The following PPP1R9A variants were observed in gnomAD, a reference collection of about 807,000 sequenced individuals.
The protein encoded by PPP1R9A is protein phosphatase 1 regulatory subunit 9A, also known as neurabin-1.
In PPP1R9A, 59 loss-of-function variants were observed where a neutral mutation model predicts 141.9. That is an observed-to-expected ratio of 0.42 (90% CI 0.34 to 0.52). The LOEUF (loss-of-function observed/expected upper bound fraction) is 0.52. Among genes scored for constraint, PPP1R9A ranks in the 20% least tolerant of loss-of-function variants. The probability of loss-of-function intolerance (pLI) is 0.10; values close to 1 mark genes in which losing one functional copy is unlikely to be tolerated. For missense variants in PPP1R9A, 1,444 were observed against 1,611.9 expected, an observed-to-expected ratio of 0.90 and a Z score of 1.78; for synonymous variants, 500 against 569.7, an observed-to-expected ratio of 0.88 and a Z score of 1.74.
chr7:95,184,114 G>T (rs1277582167), intron 5 of PPP1R9A, among the ~76,000 whole-genome samples: 1 of 152,108 alleles, frequency 6.6e-6, no homozygotes, highest in South Asian at 2.1e-4. Flanking sequence ...ACTACTGTCA[G>T]CAAACTAGTG....
intron 5 of PPP1R9A, among the ~76,000 whole-genome samples, chr7:95,164,029 C>T (rs183698039): frequency 9.9e-5 from 15 of 152,270 alleles, no homozygotes; most frequent in Middle Eastern, 3.4e-3. Context: ...TGAGCCACTG[C>T]GCCTGGCCCC....
At chr7:95,231,362 A>G (rs1486481442) in intron 8 of PPP1R9A, among the ~76,000 whole-genome samples, 1 of 152,174 alleles carries the variant, frequency 6.6e-6, no homozygotes, top group East Asian at 1.9e-4. Context: ...GTCAACAAAG[A>G]AACAATAGGC....
At chr7:95,240,563 T>G (rs1290900541) in intron 8 of PPP1R9A, among the ~76,000 whole-genome samples, 1 of 152,074 alleles carries the variant, frequency 6.6e-6, no homozygotes, top group African/African-American at 2.4e-5. Context: ...TGCTTTTTGT[T>G]AATTTTTTAT....
intron 2 of PPP1R9A, among the ~76,000 whole-genome samples, chr7:95,057,392 TA>T (rs758811449): frequency 3.3e-5 from 5 of 152,156 alleles, no homozygotes; most frequent in African/African-American, 7.2e-5. Context: ...TGCTATATTT[TA>T]GTAGTAACTA....
intron 7 of PPP1R9A, among the ~76,000 whole-genome samples, chr7:95,207,438 A>G (rs1791065438): frequency 6.6e-6 from 1 of 152,186 alleles, no homozygotes. Flanking sequence ...CCAAAAGCTA[A>G]CAATGATGAG....
chr7:95,074,478 T>G (rs1044568976), intron 2 of PPP1R9A, among the ~76,000 whole-genome samples: 1,703 of 61,916 alleles, frequency 0.028, 37 homozygotes, highest in African/African-American at 0.082. Flanking sequence ...TTTTTTTTTT[T>G]TGTTGTTTTT....
intron 17 of PPP1R9A, among the ~76,000 whole-genome samples, chr7:95,285,038 A>G (rs1179910765): frequency 6.6e-6 from 1 of 152,200 alleles, no homozygotes. Flanking sequence ...CCAAATGGTA[A>G]TGTTCATGTT....
intron 4 of PPP1R9A, among the ~76,000 whole-genome samples, chr7:95,146,576 C>T (rs1428075500): frequency 6.6e-6 from 1 of 152,104 alleles, no homozygotes; most frequent in Non-Finnish European, 1.5e-5. Flanking sequence ...TTGCTCATGC[C>T]TATGTCCTGA....
At chr7:95,207,151 A>C (rs908289573) in intron 7 of PPP1R9A, among the ~76,000 whole-genome samples, 2 of 152,144 alleles carry the variant, frequency 1.3e-5, no homozygotes, top group African/African-American at 2.4e-5. Context: ...GACGGTTTCA[A>C]GGTACAAAGT....
At position 95,268,607 on chromosome 7, in the gene PPP1R9A, G is replaced by T; in HGVS notation, c.2723G>T (p.Arg908Leu). ...ERLDSKALKT[R>L]AQLSVKNRRQ... The stretch of plus-strand genomic sequence containing the variant: ...CTGGATTCAAAAGCACTGAAAACTC[G>T]AGCCCAGCTCTCTGTGAAGAACAGA... Residue 908 changes from arginine (R) to leucine (L), a missense_variant, in exon 13 of 20, where the codon CGA becomes CTA. Arg to Leu is a moderately radical substitution (Grantham distance 102, BLOSUM62 -2). Coordinates refer to ENST00000433360, the MANE Select transcript of PPP1R9A (RefSeq NM_001166160.2). 1 of 1,613,402 alleles carries T rather than the reference G, an allele frequency of 6.2e-7. No individual in the cohort carries two copies. The highest frequency in any genetic ancestry group is 8.5e-7 in the Non-Finnish European group (1 of 1,179,566).
intron 7 of PPP1R9A, among the ~76,000 whole-genome samples, chr7:95,214,892 A>T (rs2152924453): frequency 6.6e-6 from 1 of 152,306 alleles, no homozygotes; most frequent in African/African-American, 2.4e-5. Context: ...CCATATGAGT[A>T]ATCTAGAGAA....
Position 95,055,368 on chromosome 7 carries a change from C to T in PPP1R9A, c.1396-55891C>T, listed in dbSNP as rs1811372629. ...GTTGAAAACTTCAAAATTCTTAACC[C>T]TACCCATTCTTTTGTTCTTGATATG... On this transcript the variant is annotated intron_variant, in intron 2 of 19. Coordinates refer to ENST00000433360, the MANE Select transcript of PPP1R9A (RefSeq NM_001166160.2). Among the ~76,000 whole-genome samples the T allele has an allele frequency of 2.0e-5, 3 of 148,870 alleles. No homozygotes were observed. In the South Asian group the frequency reaches 6.2e-4, roughly 31 times the overall value.
intron 5 of PPP1R9A, among the ~76,000 whole-genome samples, chr7:95,182,184 A>C (rs1833956654): frequency 2.0e-5 from 3 of 151,636 alleles, no homozygotes; most frequent in Admixed American, 2.0e-4. Flanking sequence ...AAAAATAAAA[A>C]TGTATATATA....
intron 5 of PPP1R9A, among the ~76,000 whole-genome samples, chr7:95,195,661 G>A (rs1006486026): frequency 3.3e-5 from 5 of 152,006 alleles, no homozygotes; most frequent in African/African-American, 4.8e-5. Context: ...AGACTAGGAC[G>A]AGTTAATAAA....
At chr7:95,229,354 C>A (rs749830215) in intron 8 of PPP1R9A, among the ~76,000 whole-genome samples, 4 of 151,862 alleles carry the variant, frequency 2.6e-5, no homozygotes, top group Non-Finnish European at 5.9e-5. Flanking sequence ...CAGGGAAGCT[C>A]GTGATTTAGG....
At chr7:95,198,297 C>T (rs532757916) in intron 5 of PPP1R9A, 52 bp from the exon 6 acceptor site, 4 of 1,508,320 alleles carry the variant, frequency 2.7e-6, no homozygotes, top group African/African-American at 2.8e-5. Context: ...TTTCTTAAAA[C>T]TCCTTTTTGT....
intron 2 of PPP1R9A, among the ~76,000 whole-genome samples, chr7:95,033,350 G>C (rs1487759025): frequency 6.6e-6 from 1 of 151,702 alleles, no homozygotes; most frequent in East Asian, 1.9e-4. Flanking sequence ...CAAGTCCTTT[G>C]TCTATTTTTC....
intron 3 of PPP1R9A, among the ~76,000 whole-genome samples, chr7:95,115,403 C>T (rs1458329476): frequency 1.3e-5 from 2 of 152,016 alleles, no homozygotes; most frequent in Non-Finnish European, 2.9e-5. Flanking sequence ...AAAATGTCAT[C>T]ACAACCAGAT....
chr7:95,269,966 A>T (rs1389184552), intron 14 of PPP1R9A, among the ~76,000 whole-genome samples: 1 of 152,232 alleles, frequency 6.6e-6, no homozygotes, highest in African/African-American at 2.4e-5. Flanking sequence ...TCTTGGATGA[A>T]TTGCTAATAT....
Sources: gnomAD v4.1 joint callset for allele counts (sites outside exome capture counted in the v4.1 genomes callset) on GRCh38, gnomAD v4.1.1 for gene constraint, MANE v1.5 for transcripts, NCBI Gene and HGNC (gene_info 2026-07-23, HGNC 2026-07-21) for gene names.